The following LRMDA variants were observed in gnomAD, a reference collection of about 807,000 sequenced individuals.
LRMDA encodes the protein leucine-rich melanocyte differentiation-associated protein.
In LRMDA, 18 loss-of-function variants were observed where a neutral mutation model predicts 29.8. That is an observed-to-expected ratio of 0.60 (90% CI 0.42 to 0.90). LRMDA has a LOEUF of 0.90. Among genes scored for constraint, LRMDA ranks in the 40% least tolerant of loss-of-function variants. LRMDA has a pLI of 0.00. For synonymous variants in LRMDA, 125 were observed against 109.4 expected (o/e 1.14, Z -0.89); for missense variants, 273 against 273.9 (o/e 1.00, Z 0.02).
At position 76,383,073 on chromosome 10, in the gene LRMDA, C is replaced by T. The variant is rs532096096; in HGVS notation, c.601+58588C>T. Among the ~76,000 whole-genome samples the T allele has an allele frequency of 2.4e-4, 36 of 152,316 alleles. 2 individuals carry two copies. The South Asian group carries it at 6.8e-3, about 29-fold the overall frequency. On this transcript the variant is annotated intron_variant, in intron 6 of 6. Coordinates refer to ENST00000611255, the MANE Select transcript of LRMDA (RefSeq NM_001305581.2). ...AGCAGAATTCTCAAGCTACATGTCT[C>T]AATCATCTGCACATAAATTGGGCAA...
chr10:75,491,023 A>G (rs908100403), intron 2 of LRMDA, among the ~76,000 whole-genome samples: 3 of 152,198 alleles, frequency 2.0e-5, no homozygotes, highest in Non-Finnish European at 4.4e-5. Context: ...AATTAAATTG[A>G]CCACCACTCC....
At chr10:75,714,120 GC>G (rs1842470266) in intron 2 of LRMDA, among the ~76,000 whole-genome samples, 1 of 152,154 alleles carries the variant, frequency 6.6e-6, no homozygotes, top group African/African-American at 2.4e-5. Context: ...ATGAACAGCT[GC>G]CTTCACAATT....
At chr10:76,298,655 A>G (rs2132357260) in intron 5 of LRMDA, among the ~76,000 whole-genome samples, 1 of 152,320 alleles carries the variant, frequency 6.6e-6, no homozygotes, top group Non-Finnish European at 1.5e-5. Flanking sequence ...CTGAACCTTG[A>G]AGAGTGAATA....
At chr10:76,202,689 TA>T (rs1851455400) in intron 5 of LRMDA, among the ~76,000 whole-genome samples, 1 of 152,056 alleles carries the variant, frequency 6.6e-6, no homozygotes, top group South Asian at 2.1e-4. Context: ...TTTCTCTTTT[TA>T]AAACATATTA....
At chr10:76,284,952 A>T (rs1840253486) in intron 5 of LRMDA, among the ~76,000 whole-genome samples, 1 of 151,622 alleles carries the variant, frequency 6.6e-6, no homozygotes, top group African/African-American at 2.4e-5. Flanking sequence ...AGTCCATCAA[A>T]CCTCTTTTTC....
chr10:75,515,848 C>T (rs1255664413), intron 2 of LRMDA, among the ~76,000 whole-genome samples: 1 of 152,086 alleles, frequency 6.6e-6, no homozygotes, highest in East Asian at 1.9e-4. Context: ...GCTATCCCTC[C>T]CCAAGCCCCC....
intron 5 of LRMDA, among the ~76,000 whole-genome samples, chr10:76,101,003 AG>A (rs1303327514): frequency 6.6e-6 from 1 of 152,208 alleles, no homozygotes; most frequent in Non-Finnish European, 1.5e-5. Context: ...CTTCACATCC[AG>A]GCATCAGAGG....
At chr10:76,401,740 A>G (rs1252534075) in intron 6 of LRMDA, among the ~76,000 whole-genome samples, 1 of 152,240 alleles carries the variant, frequency 6.6e-6, no homozygotes, top group East Asian at 1.9e-4. Context: ...CTATGTAAGT[A>G]TCATATTAAA....
chr10:75,584,994 C>T (rs1589193918), intron 2 of LRMDA, among the ~76,000 whole-genome samples: 1 of 152,272 alleles, frequency 6.6e-6, no homozygotes, highest in Non-Finnish European at 1.5e-5. Context: ...TGACATAGAA[C>T]ATACATCCAA....
At chr10:76,319,131 G>C (rs766252462) in intron 5 of LRMDA, 1 of 152,208 alleles carries the variant, frequency 6.6e-6, no homozygotes, top group Non-Finnish European at 1.5e-5. Flanking sequence ...GGATGGTCTC[G>C]ATCTCCTGAC....
intron 2 of LRMDA, among the ~76,000 whole-genome samples, chr10:75,908,643 G>T (rs1451321516): frequency 6.6e-6 from 1 of 152,154 alleles, no homozygotes; most frequent in Non-Finnish European, 1.5e-5. Context: ...TGGCTGGCTA[G>T]CTCTCCATCG....
intron 5 of LRMDA, among the ~76,000 whole-genome samples, chr10:76,224,994 T>G (rs1402279621): frequency 6.6e-6 from 1 of 152,086 alleles, no homozygotes; most frequent in Non-Finnish European, 1.5e-5. Flanking sequence ...CATCTTGAAG[T>G]AAAGTCCCAG....
intron 6 of LRMDA, among the ~76,000 whole-genome samples, chr10:76,401,955 G>T (rs1841853445): frequency 6.6e-6 from 1 of 152,048 alleles, no homozygotes; most frequent in Non-Finnish European, 1.5e-5. Flanking sequence ...CAGAGGTGGG[G>T]TCGGGGGAAA....
chr10:76,418,393 A>G (rs1260705544), intron 6 of LRMDA, among the ~76,000 whole-genome samples: 1 of 151,516 alleles, frequency 6.6e-6, no homozygotes, highest in African/African-American at 2.4e-5. Context: ...ATTTCATTAT[A>G]TTTATATGTA....
chr10:76,548,944 G>A (rs1843454630), intron 6 of LRMDA, among the ~76,000 whole-genome samples: 1 of 152,202 alleles, frequency 6.6e-6, no homozygotes, highest in Non-Finnish European at 1.5e-5. Context: ...TGGGGTCCAG[G>A]ACCCAAGATG....
At position 76,474,871 on chromosome 10, in the gene LRMDA, G is replaced by A. The variant is rs150798939; in HGVS notation, c.602-82338G>A. Among the ~76,000 whole-genome samples the A allele has an allele frequency of 9.1e-3, 1,384 of 151,704 alleles. 14 individuals carry two copies. The highest frequency in any genetic ancestry group is 0.034 in the Middle Eastern group (10 of 294). ...TCCTAGGTATATACCCAGGAGAGGCGAAAACATACATACACAAATGCAAAC... is the reference window on the plus strand; with the variant it reads ...TCCTAGGTATATACCCAGGAGAGGCAAAAACATACATACACAAATGCAAAC... On this transcript the variant is annotated intron_variant, in intron 6 of 6. Transcript: ENST00000611255.
chr10:75,902,226 G>A (rs1845686917), intron 2 of LRMDA, among the ~76,000 whole-genome samples: 1 of 152,198 alleles, frequency 6.6e-6, no homozygotes, highest in Admixed American at 6.5e-5. Context: ...ACTATTGAGA[G>A]ATAGGACCCA....
chr10:75,606,978 G>T (rs1394622556), intron 2 of LRMDA, among the ~76,000 whole-genome samples: 1 of 152,140 alleles, frequency 6.6e-6, no homozygotes, highest in Non-Finnish European at 1.5e-5. Context: ...AAAATCCCAT[G>T]AATTCAACCT....
At chr10:76,274,087 A>G (rs1297432577) in intron 5 of LRMDA, among the ~76,000 whole-genome samples, 1 of 152,122 alleles carries the variant, frequency 6.6e-6, no homozygotes, top group Non-Finnish European at 1.5e-5. Context: ...CAACCATTCC[A>G]TCTTAATAGT....
Sources: allele counts gnomAD v4.1 joint callset (sites outside exome capture counted in the v4.1 genomes callset), GRCh38; gene constraint gnomAD v4.1.1; transcripts MANE v1.5; gene names NCBI Gene and HGNC (gene_info 2026-07-23, HGNC 2026-07-21).